The following ELAPOR1 variants were observed in gnomAD, a reference collection of about 807,000 sequenced individuals.
ELAPOR1 encodes endosome-lysosome associated apoptosis and autophagy regulator 1, also known as endosome/lysosome-associated apoptosis and autophagy regulator 1.
In ELAPOR1, 77 loss-of-function variants were observed where a neutral mutation model predicts 119.7. The ratio of observed to expected loss-of-function variants is 0.64; its 90% confidence interval spans 0.54 to 0.78. The LOEUF is 0.78. Ranked by LOEUF, ELAPOR1 falls within the 30% of genes least tolerant of loss-of-function variation. ELAPOR1 has a pLI of 0.00. For missense variants in ELAPOR1, 1,115 were observed against 1,270.4 expected, an observed-to-expected ratio of 0.88 and a Z score of 1.86; for synonymous variants, 481 against 487.2, an observed-to-expected ratio of 0.99 and a Z score of 0.17.
chr1:109,144,061 A>ATATTTTTTTTT lies in ELAPOR1; in HGVS notation c.154-17832_154-17831insATTTTTTTTTT. Among the ~76,000 whole-genome samples, 77 of 88,966 alleles carry ATATTTTTTTTT rather than the reference A, an allele frequency of 8.7e-4. 4 individuals carry two copies. The highest frequency in any genetic ancestry group is 8.2e-3 in the Middle Eastern group (1 of 122). The allele number at this position is 88,966 out of a possible 152,430, so 58.4% of individuals were successfully genotyped here. The stretch of plus-strand genomic sequence containing the variant: ...TATATATATATATATATATTTATAT[A>ATATTTTTTTTT]TTTTTTTTTTTTTTTGAGATGGAGT... On this transcript the variant is annotated intron_variant, in intron 1 of 21. Transcript: ENST00000369939.
chr1:109,135,432 C>T (rs1314869703), intron 1 of ELAPOR1, among the ~76,000 whole-genome samples: 3 of 152,024 alleles, frequency 2.0e-5, no homozygotes, highest in African/African-American at 4.8e-5. Context: ...TTAGTAGAAA[C>T]GGTTTCACCA....
At chr1:109,198,782 T>C in intron 18 of ELAPOR1, 108 bp downstream of exon 18, 1 of 952,600 alleles carries the variant, frequency 1.0e-6, no homozygotes, top group Non-Finnish European at 1.6e-6. Flanking sequence ...GAGTTTGAGA[T>C]CCATTAATGG....
At chr1:109,139,490 C>T (rs937199808) in intron 1 of ELAPOR1, among the ~76,000 whole-genome samples, 7 of 152,048 alleles carry the variant, frequency 4.6e-5, no homozygotes, top group African/African-American at 1.7e-4. Flanking sequence ...ACAACAAAAC[C>T]AGAGACAGGA....
At chr1:109,174,378 A>G (rs1652113357) in intron 7 of ELAPOR1, among the ~76,000 whole-genome samples, 1 of 127,240 alleles carries the variant, frequency 7.9e-6, no homozygotes, top group Non-Finnish European at 1.6e-5. Flanking sequence ...ACACCACTGC[A>G]CTACAGCCTG....
chr1:109,140,490 A>G (rs1482019999), intron 1 of ELAPOR1, among the ~76,000 whole-genome samples: 1 of 152,230 alleles, frequency 6.6e-6, no homozygotes, highest in African/African-American at 2.4e-5. Context: ...CATTTTGTAT[A>G]GATCACTCTG....
chr1:109,175,160 C>A (rs921167561), intron 7 of ELAPOR1, among the ~76,000 whole-genome samples: 1 of 151,714 alleles, frequency 6.6e-6, no homozygotes, highest in Non-Finnish European at 1.5e-5. Context: ...TGTGCCCAGT[C>A]CAGTCATTTT....
chr1:109,188,346 A>T lies in ELAPOR1; in HGVS notation c.1211A>T (p.Asn404Ile), dbSNP rs150117977. ...CQPCPYGSYS[N>I]GSDCTRCPAG... The stretch of plus-strand genomic sequence containing the variant: ...CCCTGCCCATATGGTTCCTACTCCA[A>T]TGGCTCAGGTAACCTCCTCACCACC... The change falls in exon 9 of 22, where the codon AAT (asparagine) becomes ATT (isoleucine). Residue 404 changes from asparagine (N) to isoleucine (I), a missense_variant. Asn to Ile is a moderately radical substitution (Grantham distance 149). Transcript: ENST00000369939. 2 of 1,611,218 alleles carry T rather than the reference A, an allele frequency of 1.2e-6. No homozygotes were observed. Among genetic ancestry groups the T allele is most frequent in the African/African-American group, 2.7e-5 (2 of 74,884 alleles).
At chr1:109,145,454 G>C (rs528935687) in intron 1 of ELAPOR1, among the ~76,000 whole-genome samples, 26 of 152,178 alleles carry the variant, frequency 1.7e-4, no homozygotes, top group African/African-American at 5.5e-4. Flanking sequence ...TCAGGTGTTT[G>C]AGACCAGCAT....
rs1653198588 is a variant in ELAPOR1, at chr1:109,188,366, A to G, written c.1219+12A>G. 6.2e-7 allele frequency: 1 copy of G among 1,602,804 alleles called. No homozygotes were observed. The highest frequency in any genetic ancestry group is 1.1e-5 in the South Asian group (1 of 90,476). ...CTCCAATGGCTCAGGTAACCTCCTC[A>G]CCACCCCACTCTCTGCAGCACATCG... On this transcript the variant is annotated intron_variant, in intron 9 of 21. Coordinates refer to ENST00000369939, the MANE Select transcript of ELAPOR1 (RefSeq NM_020775.5).
At chr1:109,166,475 G>T (rs1194602964) in intron 3 of ELAPOR1, among the ~76,000 whole-genome samples, 1 of 152,216 alleles carries the variant, frequency 6.6e-6, no homozygotes, top group Non-Finnish European at 1.5e-5. Context: ...TGGAGAACTG[G>T]ATATCTATTT....
chr1:109,183,530 G>A (rs1012320151), intron 7 of ELAPOR1, among the ~76,000 whole-genome samples: 2 of 146,988 alleles, frequency 1.4e-5, no homozygotes, highest in African/African-American at 2.5e-5. Flanking sequence ...GATAGTTCAC[G>A]TTTTTCTTCT....
intron 15 of ELAPOR1, among the ~76,000 whole-genome samples, chr1:109,195,180 A>G (rs17014528): frequency 0.68 from 102,846 of 151,896 alleles, 37,380 homozygotes; most frequent in East Asian, 0.97. Context: ...TATTTCCTCA[A>G]AATGAGTCTA....
intron 1 of ELAPOR1, among the ~76,000 whole-genome samples, chr1:109,158,435 A>C (rs1480557357): frequency 6.6e-6 from 1 of 151,988 alleles, no homozygotes. Flanking sequence ...CAGATCAGTC[A>C]ATACAGGCAA....
At chr1:109,158,855 G>A (rs1012245394) in intron 1 of ELAPOR1, among the ~76,000 whole-genome samples, 5 of 149,548 alleles carry the variant, frequency 3.3e-5, no homozygotes, top group Non-Finnish European at 7.4e-5. Context: ...AGTCCTGCCA[G>A]TTCTATCCCT....
At chr1:109,170,551 GA>G (rs1183944606) in intron 3 of ELAPOR1, among the ~76,000 whole-genome samples, 1 of 152,160 alleles carries the variant, frequency 6.6e-6, no homozygotes, top group East Asian at 1.9e-4. Flanking sequence ...CAGGAAGAGG[GA>G]AGAGGATGTC....
chr1:109,115,021 TC>T (rs1392054664), intron 1 of ELAPOR1, among the ~76,000 whole-genome samples: 1 of 152,204 alleles, frequency 6.6e-6, no homozygotes, highest in Admixed American at 6.5e-5. Flanking sequence ...ACCTCTAGTC[TC>T]CTTCTCTGAC....
chr1:109,201,046 C>T (rs1654144520), intron 21 of ELAPOR1, 146 bp downstream of exon 21: 2 of 786,972 alleles, frequency 2.5e-6, no homozygotes, highest in Non-Finnish European at 2.0e-6. Context: ...CTCTGAAAAT[C>T]CTGCCTTCTC....
intron 1 of ELAPOR1, among the ~76,000 whole-genome samples, chr1:109,122,499 A>G (rs754130530): frequency 6.6e-6 from 1 of 151,864 alleles, no homozygotes; most frequent in Admixed American, 6.6e-5. Context: ...ACTTTACAAA[A>G]CAGTTTTAAA....
At chr1:109,164,250 A>G (rs1323379478) in intron 2 of ELAPOR1, among the ~76,000 whole-genome samples, 2 of 152,122 alleles carry the variant, frequency 1.3e-5, no homozygotes, top group Non-Finnish European at 2.9e-5. Context: ...TTCTGTCTCT[A>G]TGGCTTCACC....
Sources: gnomAD v4.1 joint callset for allele counts (sites outside exome capture counted in the v4.1 genomes callset) on GRCh38, gnomAD v4.1.1 for gene constraint, MANE v1.5 for transcripts, NCBI Gene and HGNC (gene_info 2026-07-23, HGNC 2026-07-21) for gene names.